The following XKR9 variants were observed in gnomAD, a reference collection of about 807,000 sequenced individuals.
The protein encoded by XKR9 is XK related 9.
A neutral mutation model predicts 32.0 loss-of-function variants in XKR9; 32 were observed. The ratio of observed to expected loss-of-function variants is 1.00; its 90% confidence interval spans 0.76 to 1.34. XKR9 has a LOEUF of 1.34. Among genes scored for constraint, XKR9 ranks in the 40% most tolerant of loss-of-function variants. The pLI, the probability that XKR9 is intolerant of heterozygous loss-of-function variation, is 0.00. For missense variants in XKR9, 546 were observed against 429.7 expected (o/e 1.27, Z -2.39); for synonymous variants, 168 against 143.4 (o/e 1.17, Z -1.22).
chr8:71,033,238 G>A, the XKR9 span, among the ~76,000 whole-genome samples: 1 of 152,190 alleles, frequency 6.6e-6, no homozygotes, highest in Admixed American at 6.5e-5. Flanking sequence ...CACTACCAGT[G>A]TGATCATGGA....
the XKR9 span, among the ~76,000 whole-genome samples, chr8:70,974,221 CTT>C: frequency 7.0e-6 from 1 of 142,428 alleles, no homozygotes. Flanking sequence ...TAGTGTCCCT[CTT>C]TTTTTTTTTA....
the XKR9 span, among the ~76,000 whole-genome samples, chr8:71,060,050 T>A: frequency 6.6e-6 from 1 of 152,300 alleles, no homozygotes; most frequent in African/African-American, 2.4e-5. Context: ...AGAGGGAAAT[T>A]GTATCATCAT....
chr8:70,693,979 G>T (rs887131034), intron 3 of XKR9, among the ~76,000 whole-genome samples: 1 of 152,206 alleles, frequency 6.6e-6, no homozygotes, highest in South Asian at 2.1e-4. Context: ...GCAGGGGGTG[G>T]TTGGAGGCCC....
At chr8:70,750,680 GT>G (rs1261797830) in intron 2 of XKR9, among the ~76,000 whole-genome samples, 1 of 151,886 alleles carries the variant, frequency 6.6e-6, no homozygotes, top group African/African-American at 2.4e-5. Context: ...AAATTCAATG[GT>G]TTTTAGCCTA....
chr8:70,923,826 CAT>C, the XKR9 span, among the ~76,000 whole-genome samples: 1 of 152,120 alleles, frequency 6.6e-6, no homozygotes, highest in South Asian at 2.1e-4. Flanking sequence ...CAGGAATACT[CAT>C]AGTGTCTATT....
the XKR9 span, among the ~76,000 whole-genome samples, chr8:70,886,762 T>C: frequency 9.9e-5 from 15 of 152,144 alleles, no homozygotes; most frequent in African/African-American, 3.6e-4. Context: ...TTTGTTTAAG[T>C]TCCTTGTAGA....
At chr8:70,985,744 G>C in the XKR9 span, among the ~76,000 whole-genome samples, 3 of 151,376 alleles carry the variant, frequency 2.0e-5, no homozygotes, top group East Asian at 5.8e-4. Context: ...ATAAAAACAA[G>C]AACAAATATG....
At chr8:70,740,573 GT>G (rs199686785), downstream of XKR9, among the ~76,000 whole-genome samples, 60,517 of 150,962 alleles carry the variant, frequency 0.4, 13,702 homozygotes, top group Non-Finnish European at 0.52. Flanking sequence ...TTTCTGCTCT[GT>G]TTTTTTCCCC....
chr8:70,703,507 C>T (rs1402171681), intron 3 of XKR9, among the ~76,000 whole-genome samples: 1 of 152,068 alleles, frequency 6.6e-6, no homozygotes, highest in African/African-American at 2.4e-5. Flanking sequence ...TCTCTAGGGC[C>T]TCTTTTATAA....
At chr8:70,910,842 G>T in the XKR9 span, among the ~76,000 whole-genome samples, 3 of 152,184 alleles carry the variant, frequency 2.0e-5, no homozygotes, top group Non-Finnish European at 4.4e-5. Context: ...AGTTTCATGT[G>T]CTTGTAGGAC....
the XKR9 span, among the ~76,000 whole-genome samples, chr8:70,850,463 C>CAA: frequency 5.3e-3 from 390 of 73,266 alleles, 4 homozygotes; most frequent in South Asian, 0.021. Context: ...GACTCCTTCT[C>CAA]AAAAAAAAAA....
At chr8:70,794,786 TCTATATTCGTACGATA>T (rs1807807460), downstream of XKR9, among the ~76,000 whole-genome samples, 1 of 151,242 alleles carries the variant, frequency 6.6e-6, no homozygotes, top group Non-Finnish European at 1.5e-5. Flanking sequence ...GATTTTTGTG[TCTATATTCGTACGATA>T]TAATTGCTTG....
the XKR9 span, among the ~76,000 whole-genome samples, chr8:70,934,680 T>TGTCC: frequency 2.3e-4 from 35 of 152,002 alleles, no homozygotes; most frequent in Non-Finnish European, 4.0e-4. Context: ...GCAATGCATG[T>TGTCC]GTCCCCTCAG....
At position 70,733,925 on chromosome 8, in the gene XKR9, A is replaced by C; in HGVS notation, c.623A>C (p.Tyr208Ser). 1 of 1,612,984 alleles carries C rather than the reference A, an allele frequency of 6.2e-7. No homozygotes were observed. The highest frequency in any genetic ancestry group is 8.5e-7 in the Non-Finnish European group (1 of 1,179,686). Residue 208 changes from tyrosine (Y) to serine (S), a missense_variant, in exon 5 of 5, where the codon TAC becomes TCC. Tyr to Ser is a moderately radical substitution (Grantham distance 144). Coordinates refer to ENST00000408926, the MANE Select transcript of XKR9 (RefSeq NM_001011720.2). Reference protein sequence around the residue: ...GLCPKITYLFYKLFTLLSWML... With the variant: ...GLCPKITYLFSKLFTLLSWML... ...TGTCCCAAAATCACATATCTCTTTT[A>C]CAAGTTGTTTACATTATTATCGTGG...
chr8:70,884,875 C>T, the XKR9 span, among the ~76,000 whole-genome samples: 1 of 152,050 alleles, frequency 6.6e-6, no homozygotes, highest in Non-Finnish European at 1.5e-5. Context: ...TTTGCCTTTC[C>T]ATATGAAATT....
the XKR9 span, among the ~76,000 whole-genome samples, chr8:71,064,189 T>G: frequency 6.6e-6 from 1 of 152,156 alleles, no homozygotes; most frequent in Non-Finnish European, 1.5e-5. Context: ...AGATTTAATG[T>G]GTATTTGCTT....
chr8:71,040,496 A>G, the XKR9 span, among the ~76,000 whole-genome samples: 2 of 152,336 alleles, frequency 1.3e-5, no homozygotes, highest in East Asian at 3.9e-4. Flanking sequence ...ACAGCCTTAT[A>G]CAAAAGAATA....
chr8:70,826,499 T>C, the XKR9 span, among the ~76,000 whole-genome samples: 1 of 152,194 alleles, frequency 6.6e-6, no homozygotes, highest in Non-Finnish European at 1.5e-5. Flanking sequence ...AATGTTTCTT[T>C]TATTTAAATC....
At chr8:70,760,355 G>A (rs1267758942) in intron 2 of XKR9, among the ~76,000 whole-genome samples, 1 of 152,096 alleles carries the variant, frequency 6.6e-6, no homozygotes. Flanking sequence ...TTCTTTTGGG[G>A]TTAAATAAGA....
Sources: gnomAD v4.1 joint callset for allele counts (sites outside exome capture counted in the v4.1 genomes callset) on GRCh38, gnomAD v4.1.1 for gene constraint, MANE v1.5 for transcripts, NCBI Gene and HGNC (gene_info 2026-07-23, HGNC 2026-07-21) for gene names.